Variants in ERI3 observed in about 807,000 individuals in gnomAD.
ERI3 encodes the protein ERI1 exoribonuclease family member 3, also known as ERI1 exoribonuclease 3.
A neutral mutation model predicts 44.4 loss-of-function variants in ERI3; 18 were observed. The observed-to-expected ratio is 0.41, with a 90% CI of 0.28 to 0.60. The LOEUF (loss-of-function observed/expected upper bound fraction) is 0.60, where lower values mean the gene tolerates loss of function less well. Ranked by LOEUF, ERI3 falls within the 20% of genes least tolerant of loss-of-function variation. The pLI, the probability that ERI3 is intolerant of heterozygous loss-of-function variation, is 0.36. For synonymous variants in ERI3, 183 were observed against 164.8 expected, an observed-to-expected ratio of 1.11 and a Z score of -0.84; for missense variants, 294 against 435.5, an observed-to-expected ratio of 0.68 and a Z score of 2.89.
At chr1:44,255,531 T>C (rs1266929926) in intron 7 of ERI3, among the ~76,000 whole-genome samples, 1 of 152,194 alleles carries the variant, frequency 6.6e-6, no homozygotes, top group Non-Finnish European at 1.5e-5. Flanking sequence ...CCTTGGGTGA[T>C]TTCCTCAAGT....
At chr1:44,354,107 G>A (rs1646949380) in intron 1 of ERI3, 2 of 985,302 alleles carry the variant, frequency 2.0e-6, no homozygotes, top group Non-Finnish European at 2.4e-6. Context: ...CCAATTTCTG[G>A]AAGAAACTCT....
chr1:44,317,283 T>C (rs147027775), intron 4 of ERI3, among the ~76,000 whole-genome samples: 42 of 152,270 alleles, frequency 2.8e-4, no homozygotes, highest in Non-Finnish European at 5.1e-4. Flanking sequence ...TTTTCTCTGG[T>C]TGGAATGACC....
At chr1:44,282,130 A>G (rs1645303688) in intron 7 of ERI3, among the ~76,000 whole-genome samples, 1 of 152,140 alleles carries the variant, frequency 6.6e-6, no homozygotes, top group Non-Finnish European at 1.5e-5. Flanking sequence ...TGGCCATTGA[A>G]AAGTTCCTAT....
At chr1:44,296,110 G>A (rs1572211373) in intron 6 of ERI3, among the ~76,000 whole-genome samples, 1 of 152,300 alleles carries the variant, frequency 6.6e-6, no homozygotes, top group South Asian at 2.1e-4. Flanking sequence ...GGGAAAGGAA[G>A]GTAGCAATGA....
intron 7 of ERI3, among the ~76,000 whole-genome samples, chr1:44,254,539 A>G (rs1644744891): frequency 6.6e-6 from 1 of 152,098 alleles, no homozygotes; most frequent in African/African-American, 2.4e-5. Context: ...CCTTTTCTGG[A>G]AAACCCCAAC....
At chr1:44,323,329 T>C (rs1391209547) in intron 3 of ERI3, among the ~76,000 whole-genome samples, 2 of 152,226 alleles carry the variant, frequency 1.3e-5, no homozygotes, top group African/African-American at 4.8e-5. Flanking sequence ...CAAAGAACAG[T>C]ACACTGTGAT....
intron 3 of ERI3, chr1:44,322,909 C>G (rs1279069676): frequency 5.9e-6 from 9 of 1,522,340 alleles, no homozygotes; most frequent in Non-Finnish European, 8.0e-6. Context: ...GATGGAACCC[C>G]AACACTACAG....
At chr1:44,284,953 C>T (rs775064193) in intron 6 of ERI3, 46 bp from the exon 7 acceptor site, 1 of 1,529,888 alleles carries the variant, frequency 6.5e-7, no homozygotes, top group Non-Finnish European at 9.1e-7. Context: ...CATCCATGTC[C>T]CAGGTATGAA....
Position 44,221,684 on chromosome 1 carries a change from C to T in ERI3, c.932-44G>A. 1.3e-6 allele frequency: 2 copies of T among 1,519,542 alleles called. No homozygotes were observed. The highest frequency in any genetic ancestry group is 1.4e-5 in the African/African-American group (1 of 73,022). The allele number at this position is 1,519,542 out of a possible 1,614,324, so 94.1% of individuals were successfully genotyped here. A position where few individuals can be genotyped will look rare whatever the true frequency, so the allele number is the denominator to read the frequency against. On this transcript the variant is annotated intron_variant, in intron 8 of 8. Coordinates refer to ENST00000372257, the MANE Select transcript of ERI3 (RefSeq NM_024066.3). This position sits in a 1 kb window ranked among gnomAD's most constrained non-coding sequence, Gnocchi z 5.9. ...ATTTAGATCAGCCCCAGATCCTTCC[C>T]CTCCATGCCCACAGGTGCTCTTACA...
chr1:44,284,976 G>T, intron 6 of ERI3, 69 bp from the exon 7 acceptor site: 1 of 1,328,828 alleles, frequency 7.5e-7, no homozygotes, highest in Non-Finnish European at 1.1e-6. Context: ...CTTAAGATGG[G>T]AAGTCCAACA....
chr1:44,276,918 T>C (rs953376183), intron 7 of ERI3, among the ~76,000 whole-genome samples: 20 of 152,200 alleles, frequency 1.3e-4, no homozygotes, highest in African/African-American at 4.6e-4. Context: ...AGAAAAGTCA[T>C]ACAATTGAAC....
intron 4 of ERI3, among the ~76,000 whole-genome samples, chr1:44,316,819 A>G (rs1646097774): frequency 1.3e-5 from 2 of 152,180 alleles, no homozygotes; most frequent in African/African-American, 2.4e-5. Flanking sequence ...GGGACTGTGC[A>G]GCAGCCCAGC....
At position 44,228,117 on chromosome 1, in the gene ERI3, C is replaced by A. The variant is rs1382392121; in HGVS notation, c.932-6477G>T. On this transcript the variant is annotated intron_variant, in intron 8 of 8. Coordinates refer to ENST00000372257, the MANE Select transcript of ERI3 (RefSeq NM_024066.3). This position sits in a 1 kb window ranked among gnomAD's most constrained non-coding sequence, Gnocchi z 4.3. ...CGGCCACCTTGGCCCACCCGACCCACTTCCTAGACACACACTCCCTTCTCC... is the reference window on the plus strand; with the variant it reads ...CGGCCACCTTGGCCCACCCGACCCAATTCCTAGACACACACTCCCTTCTCC... 1.3e-5 allele frequency among the ~76,000 whole-genome samples: 2 copies of A among 151,992 alleles called. No individual in the cohort carries two copies. Among genetic ancestry groups the A allele is most frequent in the Admixed American group, 1.3e-4 (2 of 15,264 alleles).
At chr1:44,222,944 C>T (rs1291233674) in intron 8 of ERI3, among the ~76,000 whole-genome samples, 2 of 152,226 alleles carry the variant, frequency 1.3e-5, no homozygotes, top group African/African-American at 4.8e-5. Context: ...GGGGGACCCT[C>T]CAGCACTAGA....
intron 7 of ERI3, among the ~76,000 whole-genome samples, chr1:44,266,232 A>C (rs1215441405): frequency 6.6e-6 from 1 of 152,206 alleles, no homozygotes; most frequent in East Asian, 1.9e-4. Flanking sequence ...GTCTTCACTG[A>C]GGACATAAGA....
rs370368837 is a variant in ERI3, at chr1:44,247,926, C to G, written c.931+13G>C. ...TGGATGGAGCTGCCGGGGGAATATG[C>G]GAAGGGACTGACCAATGCCGCTGTG... On this transcript the variant is annotated intron_variant, in intron 8 of 8. Coordinates refer to ENST00000372257, the MANE Select transcript of ERI3 (RefSeq NM_024066.3). 3 of 1,602,202 alleles carry G rather than the reference C, an allele frequency of 1.9e-6. No homozygotes were observed. Among genetic ancestry groups the G allele is most frequent in the South Asian group, 2.2e-5 (2 of 89,260 alleles).
intron 2 of ERI3, among the ~76,000 whole-genome samples, chr1:44,348,893 T>C (rs185169703): frequency 1.3e-5 from 2 of 152,324 alleles, no homozygotes; most frequent in Non-Finnish European, 1.5e-5. Flanking sequence ...CCTCAGTTTC[T>C]TCATATGGTA....
In ERI3 at chr1:44,236,801, A is replaced by T. The variant is rs557609310; in HGVS notation, c.931+11138T>A. The stretch of plus-strand genomic sequence containing the variant: ...GTGGGGACACTCTTCCGCCAAAATG[A>T]TCAAGCTGTCCTGATGGGTCACCAT... On this transcript the variant is annotated intron_variant, in intron 8 of 8. Coordinates refer to ENST00000372257, the MANE Select transcript of ERI3 (RefSeq NM_024066.3). Among the ~76,000 whole-genome samples the T allele has an allele frequency of 3.3e-5, 5 of 152,258 alleles. No individual in the cohort carries two copies. In the South Asian group the frequency reaches 1.0e-3, roughly 32 times the overall value.
intron 1 of ERI3, chr1:44,353,330 C>T (rs1226588236): frequency 5.1e-6 from 5 of 985,432 alleles, no homozygotes; most frequent in Non-Finnish European, 6.0e-6. Flanking sequence ...ACAAGCCATA[C>T]TGAAAATGGC....
Sources: gnomAD v4.1 joint callset for allele counts (sites outside exome capture counted in the v4.1 genomes callset) on GRCh38, gnomAD v4.1.1 for gene constraint, Gnocchi (gnomAD v3.1) non-coding constraint, MANE v1.5 for transcripts, NCBI Gene and HGNC (gene_info 2026-07-23, HGNC 2026-07-21) for gene names.